The following LRMDA variants were observed in gnomAD, a reference collection of about 807,000 sequenced individuals.
The protein encoded by LRMDA is leucine-rich melanocyte differentiation-associated protein.
LRMDA carries 18 observed loss-of-function variants against 29.8 expected under a neutral mutation model. The observed-to-expected ratio is 0.60, with a 90% confidence interval of 0.42 to 0.90. The LOEUF is 0.90. Ranked by LOEUF, LRMDA falls within the 40% of genes least tolerant of loss-of-function variation. LRMDA has a pLI of 0.00. For synonymous variants in LRMDA, 125 were observed against 109.4 expected, an observed-to-expected ratio of 1.14 and a Z score of -0.89; for missense variants, 273 against 273.9, an observed-to-expected ratio of 1.00 and a Z score of 0.02.
At chr10:76,051,891 A>T (rs963094119) in intron 4 of LRMDA, among the ~76,000 whole-genome samples, 4 of 152,214 alleles carry the variant, frequency 2.6e-5, no homozygotes, top group African/African-American at 9.7e-5. Context: ...CACTTTAAAA[A>T]CTTTGATCTC....
At chr10:75,792,616 G>C (rs2132253655) in intron 2 of LRMDA, among the ~76,000 whole-genome samples, 1 of 152,290 alleles carries the variant, frequency 6.6e-6, no homozygotes, top group Non-Finnish European at 1.5e-5. Context: ...AAACAGACCT[G>C]TATGCCTGCA....
intron 5 of LRMDA, among the ~76,000 whole-genome samples, chr10:76,214,804 G>C (rs1191788013): frequency 6.6e-6 from 1 of 152,194 alleles, no homozygotes. Context: ...AAGCAAAGGA[G>C]ACCAGCACTT....
intron 2 of LRMDA, among the ~76,000 whole-genome samples, chr10:75,556,316 T>G (rs906835712): frequency 2.6e-5 from 4 of 152,202 alleles, no homozygotes. Flanking sequence ...CCTTAATGTC[T>G]CATCAGAAAT....
In LRMDA at chr10:76,364,348, G is replaced by A. The variant is rs527986801; in HGVS notation, c.601+39863G>A. ...GGGAATAATATCTTTTGTTTGTTTAGCACTTTACCATTTTACTTGACATAA... is the reference window on the plus strand; with the variant it reads ...GGGAATAATATCTTTTGTTTGTTTAACACTTTACCATTTTACTTGACATAA... On this transcript the variant is annotated intron_variant, in intron 6 of 6. Coordinates refer to ENST00000611255, the MANE Select transcript of LRMDA (RefSeq NM_001305581.2). Among the ~76,000 whole-genome samples the A allele has an allele frequency of 5.8e-4, 88 of 152,224 alleles. 1 individual carries two copies. In the South Asian group the frequency reaches 0.017, roughly 30 times the overall value.
chr10:76,254,838 T>C (rs1440413820), intron 5 of LRMDA, among the ~76,000 whole-genome samples: 1 of 152,172 alleles, frequency 6.6e-6, no homozygotes, highest in Admixed American at 6.5e-5. Context: ...TTTTAGAAGT[T>C]ACGACCGGTT....
chr10:76,414,431 T>C (rs1386719756), intron 6 of LRMDA, among the ~76,000 whole-genome samples: 1 of 152,128 alleles, frequency 6.6e-6, no homozygotes, highest in Non-Finnish European at 1.5e-5. Context: ...CTCCCTTCCT[T>C]CCCTCTCTCA....
At chr10:76,527,182 A>G (rs545114984) in intron 6 of LRMDA, among the ~76,000 whole-genome samples, 2 of 152,028 alleles carry the variant, frequency 1.3e-5, no homozygotes, top group Admixed American at 1.3e-4. Context: ...GGATGATTTC[A>G]TAGTGAAGGC....
intron 5 of LRMDA, among the ~76,000 whole-genome samples, chr10:76,231,370 G>A (rs992774003): frequency 3.9e-5 from 6 of 152,200 alleles, no homozygotes; most frequent in African/African-American, 1.2e-4. Flanking sequence ...GATATGAATA[G>A]CCTGAATCAA....
intron 2 of LRMDA, among the ~76,000 whole-genome samples, chr10:75,805,948 A>G (rs1843844164): frequency 6.6e-6 from 1 of 152,184 alleles, no homozygotes; most frequent in African/African-American, 2.4e-5. Context: ...ATAAGAAAAG[A>G]GGTTTAATTG....
chr10:75,563,068 T>C (rs1376282739), intron 2 of LRMDA, among the ~76,000 whole-genome samples: 1 of 152,136 alleles, frequency 6.6e-6, no homozygotes, highest in Non-Finnish European at 1.5e-5. Context: ...TGAATCTGAA[T>C]GTTGGCCTGC....
intron 5 of LRMDA, among the ~76,000 whole-genome samples, chr10:76,138,677 G>A (rs187812598): frequency 7.2e-4 from 109 of 152,232 alleles, no homozygotes; most frequent in African/African-American, 2.5e-3. Context: ...TAAGCCACTG[G>A]AGACCAATGA....
intron 2 of LRMDA, among the ~76,000 whole-genome samples, chr10:75,664,575 A>G (rs2132137596): frequency 6.6e-6 from 1 of 152,252 alleles, no homozygotes; most frequent in African/African-American, 2.4e-5. Context: ...AGCTCCTGCT[A>G]AGGGCACTAA....
intron 2 of LRMDA, among the ~76,000 whole-genome samples, chr10:75,666,989 A>G (rs746085750): frequency 1.6e-4 from 25 of 152,328 alleles, no homozygotes; most frequent in Non-Finnish European, 3.4e-4. Context: ...AAAGGCAGCT[A>G]GGATGAAAAG....
At chr10:75,692,753 C>A (rs548059248) in intron 2 of LRMDA, among the ~76,000 whole-genome samples, 1 of 151,892 alleles carries the variant, frequency 6.6e-6, no homozygotes, top group Non-Finnish European at 1.5e-5. Flanking sequence ...GCTGTGTTTC[C>A]GGCATCCCTA....
At chr10:76,175,455 G>T (rs1037511149) in intron 5 of LRMDA, among the ~76,000 whole-genome samples, 1 of 152,106 alleles carries the variant, frequency 6.6e-6, no homozygotes, top group Non-Finnish European at 1.5e-5. Flanking sequence ...GTAAGTGCTC[G>T]CATTAACTAT....
intron 5 of LRMDA, among the ~76,000 whole-genome samples, chr10:76,107,746 CTTTT>C (rs1849510558): frequency 1.3e-5 from 2 of 152,270 alleles, no homozygotes; most frequent in South Asian, 4.1e-4. Context: ...ATAGACCTTT[CTTTT>C]TATTTTATTT....
intron 4 of LRMDA, among the ~76,000 whole-genome samples, chr10:76,056,173 A>G (rs969406569): frequency 3.3e-5 from 5 of 152,132 alleles, no homozygotes; most frequent in African/African-American, 9.7e-5. Context: ...CCCTCAGCAG[A>G]GAGGAGACCC....
At chr10:76,396,716 A>G (rs1223140690) in intron 6 of LRMDA, 1 of 152,234 alleles carries the variant, frequency 6.6e-6, no homozygotes, top group Non-Finnish European at 1.5e-5. Flanking sequence ...TGTTTGGCCC[A>G]GGGCAGACAA....
chr10:76,285,789 A>G lies in LRMDA; in HGVS notation c.517-38612A>G, dbSNP rs182744731. Among the ~76,000 whole-genome samples the G allele has an allele frequency of 6.5e-4, 99 of 152,330 alleles. 2 individuals carry two copies. Among genetic ancestry groups the G allele is most frequent in the African/African-American group, 2.4e-3 (98 of 41,576 alleles). On this transcript the variant is annotated intron_variant, in intron 5 of 6. Transcript: ENST00000611255. ...AGCTGAGAGCTTCGTTTCTCCCTCT[A>G]GAGTACTAGTGTATTAGCCTCCCAA...
Sources: gnomAD v4.1 joint callset for allele counts (sites outside exome capture counted in the v4.1 genomes callset) on GRCh38, gnomAD v4.1.1 for gene constraint, MANE v1.5 for transcripts, NCBI Gene and HGNC (gene_info 2026-07-23, HGNC 2026-07-21) for gene names.